Variants in PTPN11 observed in about 807,000 individuals in gnomAD.
The protein encoded by PTPN11 is tyrosine-protein phosphatase non-receptor type 11.
PTPN11 carries 6 observed loss-of-function variants against 78.8 expected under a neutral mutation model. That is an observed-to-expected ratio of 0.08 (90% CI 0.04 to 0.15). The LOEUF is 0.15. Ranked by LOEUF, PTPN11 falls within the 10% of genes least tolerant of loss-of-function variation. The pLI, the probability that PTPN11 is intolerant of heterozygous loss-of-function variation, is 1.00. For synonymous variants in PTPN11, 221 were observed against 263.5 expected, an observed-to-expected ratio of 0.84 and a Z score of 1.56; for missense variants, 386 against 744.8, an observed-to-expected ratio of 0.52 and a Z score of 5.61.
chr12:112,477,863 T>C lies in PTPN11; in HGVS notation c.940T>C (p.Phe314Leu), dbSNP rs968167995. Residue 314 changes from phenylalanine to leucine, a missense_variant, in exon 9 of 16, where the codon TTT becomes CTT. Transcript: ENST00000351677. ...TTTCTTCCTAAATTTCTAGCCTGAATTTGAAACCAAGTGCAACAATTCAAA... is the reference window on the plus strand; with the variant it reads ...TTTCTTCCTAAATTTCTAGCCTGAACTTGAAACCAAGTGCAACAATTCAAA... ...YINANIIMPE[F>L]ETKCNNSKPK... 1 of 1,614,076 alleles carries C rather than the reference T, an allele frequency of 6.2e-7. No homozygotes were observed. The highest frequency in any genetic ancestry group is 1.3e-5 in the African/African-American group (1 of 74,946).
intron 1 of PTPN11, among the ~76,000 whole-genome samples, chr12:112,434,515 G>A (rs2037759875): frequency 6.6e-6 from 1 of 151,894 alleles, no homozygotes; most frequent in Non-Finnish European, 1.5e-5. Context: ...GGCTGAGGCA[G>A]GAGAATCACT....
chr12:112,422,528 G>A (rs2037538813), intron 1 of PTPN11, among the ~76,000 whole-genome samples: 2 of 152,196 alleles, frequency 1.3e-5, no homozygotes, highest in Non-Finnish European at 2.9e-5. Flanking sequence ...GATGAGCTGA[G>A]AGGGGCAGAA....
intron 6 of PTPN11, among the ~76,000 whole-genome samples, chr12:112,470,491 C>T (rs529336907): frequency 6.6e-6 from 1 of 152,264 alleles, no homozygotes; most frequent in African/African-American, 2.4e-5. Flanking sequence ...TAGAGGCAGG[C>T]CCTGATTAGC....
chr12:112,442,199 A>G (rs2037904438), intron 1 of PTPN11, among the ~76,000 whole-genome samples: 1 of 152,196 alleles, frequency 6.6e-6, no homozygotes, highest in African/African-American at 2.4e-5. Context: ...AATTTAAATA[A>G]GAGTTGCAAA....
At chr12:112,479,018 G>A (rs2038554935) in intron 9 of PTPN11, among the ~76,000 whole-genome samples, 1 of 152,170 alleles carries the variant, frequency 6.6e-6, no homozygotes, top group Non-Finnish European at 1.5e-5. Flanking sequence ...ATAGGTGTGA[G>A]CCACCATGCC....
intron 2 of PTPN11, 102 bp downstream of exon 2, chr12:112,446,500 C>T (rs2037996545): frequency 8.4e-6 from 13 of 1,540,644 alleles, no homozygotes; most frequent in Non-Finnish European, 1.1e-5. Flanking sequence ...AGTTTGAAGG[C>T]CTTATCTGAG....
intron 6 of PTPN11, among the ~76,000 whole-genome samples, chr12:112,471,376 A>C (rs1259258997): frequency 3.5e-5 from 5 of 141,546 alleles, no homozygotes; most frequent in African/African-American, 1.3e-4. Context: ...CTTGAAATTG[A>C]CTTTTTTTTT....
At chr12:112,426,955 T>C (rs890654414) in intron 1 of PTPN11, among the ~76,000 whole-genome samples, 2 of 152,056 alleles carry the variant, frequency 1.3e-5, no homozygotes, top group East Asian at 3.9e-4. Flanking sequence ...TTAATAAATA[T>C]AGATAATGGC....
chr12:112,441,007 A>T (rs114906931), intron 1 of PTPN11, among the ~76,000 whole-genome samples: 1 of 135,074 alleles, frequency 7.4e-6, no homozygotes, highest in East Asian at 2.1e-4. Flanking sequence ...GTTGTTGCCC[A>T]GGCTAGAGTG....
chr12:112,426,601 C>A (rs1041183395), intron 1 of PTPN11, among the ~76,000 whole-genome samples: 1 of 151,834 alleles, frequency 6.6e-6, no homozygotes, highest in Non-Finnish European at 1.5e-5. Context: ...GAAATGTAAA[C>A]TCTTACAGAC....
chr12:112,473,243 G>A (rs746329513), intron 7 of PTPN11, among the ~76,000 whole-genome samples: 3 of 152,154 alleles, frequency 2.0e-5, no homozygotes, highest in Non-Finnish European at 4.4e-5. Flanking sequence ...TGATTACTGA[G>A]TAAAGTTGCC....
chr12:112,475,961 G>C (rs1368468960), intron 7 of PTPN11, among the ~76,000 whole-genome samples: 1 of 151,292 alleles, frequency 6.6e-6, no homozygotes, highest in Non-Finnish European at 1.5e-5. Context: ...CTTTTTTTTT[G>C]GAATTTATTT....
At position 112,508,987 on chromosome 12, in the gene PTPN11, A is replaced by T. The variant is rs1430778934; in HGVS notation, c.*3195A>T. On this transcript the variant is annotated 3_prime_UTR_variant, in exon 16 of 16. Transcript: ENST00000351677. Reference sequence around the variant, plus strand: ...CTTGAGTTATTTTTAATTCAGGGGGATGTGGAAAGGTTTGCAATTGTCAAG... The same window carrying T: ...CTTGAGTTATTTTTAATTCAGGGGGTTGTGGAAAGGTTTGCAATTGTCAAG... 2 of 152,102 alleles carry T rather than the reference A, an allele frequency of 1.3e-5. No individual in the cohort carries two copies. The highest frequency in any genetic ancestry group is 2.9e-5 in the Non-Finnish European group (2 of 68,018). The allele number at this position is 152,102 out of a possible 1,614,324, so 9.4% of individuals were successfully genotyped here.
chr12:112,433,607 T>C (rs2037745676), intron 1 of PTPN11, among the ~76,000 whole-genome samples: 1 of 152,212 alleles, frequency 6.6e-6, no homozygotes, highest in Non-Finnish European at 1.5e-5. Flanking sequence ...TAAGAAGGGT[T>C]AGATTATGGA....
chr12:112,419,237 C>CG, intron 1 of PTPN11, 112 bp downstream of exon 1: 1 of 1,189,312 alleles, frequency 8.4e-7, no homozygotes, highest in Non-Finnish European at 1.1e-6. Flanking sequence ...CGCCCCGGGT[C>CG]GGGGTTGGGG....
intron 6 of PTPN11, among the ~76,000 whole-genome samples, chr12:112,467,438 C>A (rs746451052): frequency 2.4e-4 from 36 of 152,262 alleles, no homozygotes; most frequent in Admixed American, 1.6e-3. Flanking sequence ...AAAAGGAGGG[C>A]AGACGATCAC....
At chr12:112,454,326 G>A (rs559250609) in intron 4 of PTPN11, among the ~76,000 whole-genome samples, 16 of 152,150 alleles carry the variant, frequency 1.1e-4, no homozygotes, top group Admixed American at 9.2e-4. Context: ...TACCATGTTG[G>A]CCAGGCTGGT....
chr12:112,465,812 A>G (rs2038317956), intron 6 of PTPN11, among the ~76,000 whole-genome samples: 1 of 152,208 alleles, frequency 6.6e-6, no homozygotes, highest in African/African-American at 2.4e-5. Flanking sequence ...TCCAAAGAAC[A>G]ATGTCAAGGA....
intron 1 of PTPN11, among the ~76,000 whole-genome samples, chr12:112,427,195 G>A (rs777547324): frequency 6.6e-6 from 1 of 151,526 alleles, no homozygotes; most frequent in South Asian, 2.1e-4. Context: ...GCAGTGAGCC[G>A]AGATCGTGTC....
Sources: gnomAD v4.1 joint callset for allele counts (sites outside exome capture counted in the v4.1 genomes callset) on GRCh38, gnomAD v4.1.1 for gene constraint, MANE v1.5 for transcripts, NCBI Gene and HGNC (gene_info 2026-07-23, HGNC 2026-07-21) for gene names.